Variants in PTPRM observed in about 807,000 individuals in gnomAD.
PTPRM encodes receptor-type tyrosine-protein phosphatase mu.
A neutral mutation model predicts 186.7 loss-of-function variants in PTPRM; 47 were observed. The observed-to-expected ratio is 0.25, with a 90% confidence interval of 0.20 to 0.32. PTPRM has a LOEUF of 0.32. Ranked by LOEUF, PTPRM falls within the 10% of genes least tolerant of loss-of-function variation. PTPRM has a pLI of 1.00. For missense variants in PTPRM, 1,494 were observed against 1,865.0 expected (o/e 0.80, Z 3.66); for synonymous variants, 668 against 674.9 (o/e 0.99, Z 0.16).
chr18:7,808,297 G>A (rs1234100076), intron 2 of PTPRM, among the ~76,000 whole-genome samples: 2 of 152,238 alleles, frequency 1.3e-5, no homozygotes, highest in South Asian at 2.1e-4. Context: ...GGTGGCTGAG[G>A]GCACAGAGGA....
intron 19 of PTPRM, among the ~76,000 whole-genome samples, chr18:8,273,861 G>A (rs982737053): frequency 1.3e-5 from 2 of 152,342 alleles, no homozygotes; most frequent in Middle Eastern, 3.4e-3. Context: ...TTGCTCAAAA[G>A]CCCCATATGG....
At chr18:7,761,242 A>T (rs1201384263) in intron 1 of PTPRM, among the ~76,000 whole-genome samples, 3 of 152,236 alleles carry the variant, frequency 2.0e-5, no homozygotes, top group Admixed American at 1.3e-4. Flanking sequence ...TAAAAAATTA[A>T]TAAGGAAAAA....
At chr18:8,133,467 G>A (rs1484432467) in intron 13 of PTPRM, among the ~76,000 whole-genome samples, 1 of 152,162 alleles carries the variant, frequency 6.6e-6, no homozygotes, top group Non-Finnish European at 1.5e-5. Flanking sequence ...AACTGAACTT[G>A]AGTTTGAAAA....
intron 7 of PTPRM, among the ~76,000 whole-genome samples, chr18:8,040,757 C>T (rs1014438358): frequency 1.3e-5 from 2 of 152,154 alleles, no homozygotes; most frequent in Non-Finnish European, 2.9e-5. Context: ...AAGTTTATTT[C>T]ACCAGTTTAT....
intron 1 of PTPRM, among the ~76,000 whole-genome samples, chr18:7,772,392 TTTCTTTCTTTCTTTC>T (rs1568108624): frequency 1.5e-5 from 2 of 130,384 alleles, no homozygotes; most frequent in East Asian, 2.6e-4. Context: ...TCTTTCTTTC[TTTCTTTCTTTCTTTC>T]TTTCTTTTCT....
At chr18:7,883,643 T>C (rs2048618200) in intron 2 of PTPRM, among the ~76,000 whole-genome samples, 1 of 152,200 alleles carries the variant, frequency 6.6e-6, no homozygotes, top group Non-Finnish European at 1.5e-5. Context: ...AAGCTGTGAG[T>C]TAAGTCCTGA....
chr18:7,597,016 G>GA lies in PTPRM; in HGVS notation c.73+29129dup, dbSNP rs2037281926. 2.0e-5 allele frequency among the ~76,000 whole-genome samples: 3 copies of GA among 151,940 alleles called. No homozygotes were observed. The South Asian group carries it at 6.2e-4, about 32-fold the overall frequency. ...TTACAGGCACATGCTACCATACCCG[G>GA]AAAATGTTTGTATTTTTTAGTAGAG... On this transcript the variant is annotated intron_variant, in intron 1 of 32. Transcript: ENST00000580170.
intron 1 of PTPRM, among the ~76,000 whole-genome samples, chr18:7,690,023 A>T (rs1294241921): frequency 6.6e-6 from 1 of 152,214 alleles, no homozygotes; most frequent in Non-Finnish European, 1.5e-5. Context: ...AAAAAGTATC[A>T]TCAGAAATCA....
chr18:7,832,742 A>G (rs964519331), intron 2 of PTPRM, among the ~76,000 whole-genome samples: 7 of 152,106 alleles, frequency 4.6e-5, no homozygotes, highest in African/African-American at 1.4e-4. Flanking sequence ...TAGTAGTTCT[A>G]TTGTTTGCAG....
At chr18:7,629,520 C>T (rs1167110541) in intron 1 of PTPRM, among the ~76,000 whole-genome samples, 1 of 152,098 alleles carries the variant, frequency 6.6e-6, no homozygotes, top group East Asian at 1.9e-4. Flanking sequence ...TGGGGTATAA[C>T]AGAGGTCACA....
chr18:8,106,775 T>C (rs1258068811), intron 11 of PTPRM, among the ~76,000 whole-genome samples: 1 of 152,230 alleles, frequency 6.6e-6, no homozygotes, highest in Admixed American at 6.5e-5. Context: ...CATAAAATAT[T>C]AGCGCCTGAA....
Position 7,567,796 on chromosome 18 carries a change from C to A in PTPRM, c.-23C>A. 1 of 1,515,546 alleles carries A rather than the reference C, an allele frequency of 6.6e-7. No homozygotes were observed. Among genetic ancestry groups the A allele is most frequent in the South Asian group, 1.3e-5 (1 of 78,998 alleles). The allele number at this position is 1,515,546 out of a possible 1,614,324, so 93.9% of individuals were successfully genotyped here. ...GCGCCCACCCACCGCCGCCGGGGAG[C>A]GGCCCGGCCCGCACTCAGCACCATG... On this transcript the variant is annotated 5_prime_UTR_variant, in exon 1 of 33. Transcript: ENST00000580170. This position sits in a 1 kb window ranked among gnomAD's most constrained non-coding sequence, Gnocchi z 4.3.
chr18:7,955,527 A>C, intron 7 of PTPRM, 113 bp downstream of exon 7: 1 of 1,242,686 alleles, frequency 8.0e-7, no homozygotes, highest in Middle Eastern at 2.7e-4. Flanking sequence ...CAAAACCTGC[A>C]TATGAACAGA....
intron 29 of PTPRM, 60 bp downstream of exon 29, chr18:8,380,487 C>T: frequency 2.5e-6 from 4 of 1,599,710 alleles, no homozygotes; most frequent in Admixed American, 1.7e-5. Flanking sequence ...TGTTTTTACA[C>T]TGAGTTTGTT....
At chr18:7,754,850 C>T (rs1001596331) in intron 1 of PTPRM, 11 of 152,158 alleles carry the variant, frequency 7.2e-5, no homozygotes, top group African/African-American at 2.7e-4. Flanking sequence ...TCCATGCAGC[C>T]AACTGGAAGC....
intron 9 of PTPRM, among the ~76,000 whole-genome samples, chr18:8,083,740 C>T (rs1415422144): frequency 6.6e-6 from 1 of 152,094 alleles, no homozygotes; most frequent in Non-Finnish European, 1.5e-5. Flanking sequence ...GTAAATGAAT[C>T]TGAATAGGTA....
intron 9 of PTPRM, among the ~76,000 whole-genome samples, chr18:8,078,884 C>T (rs1349160338): frequency 6.6e-6 from 1 of 152,106 alleles, no homozygotes; most frequent in Non-Finnish European, 1.5e-5. Flanking sequence ...TCACTCATCA[C>T]CAAGGGGGTG....
intron 1 of PTPRM, among the ~76,000 whole-genome samples, chr18:7,698,991 G>GT (rs1481642437): frequency 6.6e-6 from 1 of 152,216 alleles, no homozygotes; most frequent in Non-Finnish European, 1.5e-5. Context: ...TCCTTGGCCT[G>GT]TAAGGAACCA....
chr18:8,282,297 A>C (rs2094912229), intron 19 of PTPRM, among the ~76,000 whole-genome samples: 1 of 152,202 alleles, frequency 6.6e-6, no homozygotes, highest in Admixed American at 6.5e-5. Flanking sequence ...GAGAAACTGT[A>C]TTTCTTGTAA....
Sources: allele counts gnomAD v4.1 joint callset (sites outside exome capture counted in the v4.1 genomes callset), GRCh38; gene constraint gnomAD v4.1.1; non-coding constraint Gnocchi (gnomAD v3.1); transcripts MANE v1.5; gene names NCBI Gene and HGNC (gene_info 2026-07-23, HGNC 2026-07-21).